DACH2: variants seen among roughly 807,000 people sequenced by gnomAD.
DACH2 encodes the protein dachshund homolog 2.
In DACH2, 17 loss-of-function variants were observed where a neutral mutation model predicts 35.8. That is an observed-to-expected ratio of 0.48 (90% confidence interval 0.33 to 0.71). The LOEUF (loss-of-function observed/expected upper bound fraction) is 0.71. DACH2 is among the 30% of genes least tolerant of loss of function. DACH2 has a pLI of 0.02. For missense variants in DACH2, 469 were observed against 472.7 expected, an observed-to-expected ratio of 0.99 and a Z score of 0.07; for synonymous variants, 195 against 177.3, an observed-to-expected ratio of 1.10 and a Z score of -0.79.
chrX:86,432,701 C>G (rs1293725262), intron 2 of DACH2, among the ~76,000 whole-genome samples: 1 of 111,826 alleles, frequency 8.9e-6, no homozygotes, highest in Non-Finnish European at 1.9e-5. Context: ...TTGACTCCAG[C>G]CTGTGGATTT....
At chrX:86,514,519 A>AT in intron 3 of DACH2, 128 bp downstream of exon 3, 2 of 620,884 alleles carry the variant, frequency 3.2e-6, no homozygotes, top group African/African-American at 2.2e-5. Context: ...ACATTACTGA[A>AT]TTTTTTTATG....
At chrX:86,522,063 T>C (rs1473165410) in intron 3 of DACH2, among the ~76,000 whole-genome samples, 2 of 111,904 alleles carry the variant, frequency 1.8e-5, no homozygotes, top group African/African-American at 6.5e-5. Context: ...CTGTAATTTG[T>C]ATTTTTGTTT....
intron 7 of DACH2, among the ~76,000 whole-genome samples, chrX:86,741,786 ATTAT>A (rs938539731): frequency 7.3e-5 from 8 of 110,244 alleles, no homozygotes; most frequent in Admixed American, 4.9e-4. Context: ...TATAGAGATA[ATTAT>A]TTATTGAGTG....
At chrX:86,250,481 T>C (rs1448768835) in intron 1 of DACH2, among the ~76,000 whole-genome samples, 2 of 111,505 alleles carry the variant, frequency 1.8e-5, no homozygotes, top group Non-Finnish European at 3.8e-5. Flanking sequence ...AATATTGTTA[T>C]ATGGATACAC....
chrX:86,515,431 T>C (rs1422356370), intron 3 of DACH2, among the ~76,000 whole-genome samples: 3 of 108,311 alleles, frequency 2.8e-5, no homozygotes, highest in Admixed American at 2.0e-4. Context: ...GATAGAAGAG[T>C]ACAGATAGAT....
chrX:86,206,280 G>GAAA (rs113874783), intron 1 of DACH2, among the ~76,000 whole-genome samples: 149 of 108,386 alleles, frequency 1.4e-3, no homozygotes, highest in African/African-American at 4.7e-3. Context: ...GTCCAAAAGG[G>GAAA]GAAAAAAAAA....
chrX:86,226,848 A>G (rs2032836365), intron 1 of DACH2, among the ~76,000 whole-genome samples: 1 of 111,592 alleles, frequency 9.0e-6, no homozygotes, highest in Non-Finnish European at 1.9e-5. Context: ...AATCTAATAC[A>G]TATTATAGTG....
intron 2 of DACH2, among the ~76,000 whole-genome samples, chrX:86,493,826 A>G (rs2038128327): frequency 8.9e-6 from 1 of 112,126 alleles, no homozygotes; most frequent in Non-Finnish European, 1.9e-5. Flanking sequence ...ACAACTTCAT[A>G]ATAATAATAC....
At chrX:86,341,964 T>A in intron 1 of DACH2, among the ~76,000 whole-genome samples, 1 of 111,912 alleles carries the variant, frequency 8.9e-6, no homozygotes, top group South Asian at 3.8e-4. Context: ...AGACAGTGGT[T>A]TCTTGAGATG....
At chrX:86,673,041 G>T (rs781263865) in intron 4 of DACH2, among the ~76,000 whole-genome samples, 2 of 111,876 alleles carry the variant, frequency 1.8e-5, no homozygotes, top group Non-Finnish European at 3.8e-5. Flanking sequence ...CGGAGTCAAA[G>T]AAGAATATTT....
At chrX:86,559,811 T>C (rs1285508913) in intron 3 of DACH2, among the ~76,000 whole-genome samples, 14 of 43,347 alleles carry the variant, frequency 3.2e-4, no homozygotes, top group African/African-American at 1.5e-3. Context: ...TCCTCCATCC[T>C]TTTATTTTGA....
intron 1 of DACH2, among the ~76,000 whole-genome samples, chrX:86,162,965 A>T (rs1425433225): frequency 9.0e-6 from 1 of 111,127 alleles, no homozygotes; most frequent in Non-Finnish European, 1.9e-5. Context: ...AGATATTTTT[A>T]TATAGGCATG....
intron 7 of DACH2, among the ~76,000 whole-genome samples, chrX:86,801,347 C>T (rs145262560): frequency 1.8e-5 from 2 of 110,900 alleles, no homozygotes; most frequent in African/African-American, 3.3e-5. Context: ...CCTTCTACCT[C>T]AGCATCCTGA....
At chrX:86,198,580 G>T (rs1230119224) in intron 1 of DACH2, among the ~76,000 whole-genome samples, 2 of 110,781 alleles carry the variant, frequency 1.8e-5, no homozygotes, top group African/African-American at 6.6e-5. Context: ...CAAAAAAGGG[G>T]ATATTACCAC....
At chrX:86,577,467 T>C (rs2369234) in intron 3 of DACH2, among the ~76,000 whole-genome samples, 45,177 of 110,238 alleles carry the variant, frequency 0.41, 8,569 homozygotes, top group African/African-American at 0.74. Context: ...TTTATGAATA[T>C]TTTAAATAAA....
At chrX:86,811,764 A>C in intron 7 of DACH2, among the ~76,000 whole-genome samples, 1 of 111,940 alleles carries the variant, frequency 8.9e-6, no homozygotes, top group South Asian at 3.8e-4. Flanking sequence ...AAATTTATCT[A>C]ATTCGTACAG....
chrX:86,293,212 A>G (rs1237117368), intron 1 of DACH2, among the ~76,000 whole-genome samples: 6 of 104,318 alleles, frequency 5.8e-5, no homozygotes, highest in South Asian at 4.8e-4. Flanking sequence ...ATCTTTGTTG[A>G]TTTAAAGTCT....
chrX:86,308,506 G>C (rs905945776), intron 1 of DACH2, among the ~76,000 whole-genome samples: 1 of 112,251 alleles, frequency 8.9e-6, no homozygotes, highest in Non-Finnish European at 1.9e-5. Flanking sequence ...CAGAAAACTT[G>C]TAGGTCGAAT....
At chrX:86,296,273 C>T (rs1002149406) in intron 1 of DACH2, among the ~76,000 whole-genome samples, 11 of 99,716 alleles carry the variant, frequency 1.1e-4, no homozygotes, top group East Asian at 3.2e-4. Flanking sequence ...CCCAGCTACT[C>T]GGGAGGCTGA....
Sources: allele counts gnomAD v4.1 joint callset (sites outside exome capture counted in the v4.1 genomes callset), GRCh38; gene constraint gnomAD v4.1.1; transcripts MANE v1.5; gene names NCBI Gene and HGNC (gene_info 2026-07-23, HGNC 2026-07-21).